Variants in ACSBG1 observed in about 807,000 individuals in gnomAD.
ACSBG1 encodes long-chain-fatty-acid--CoA ligase ACSBG1.
Under a neutral mutation model 80.2 loss-of-function variants are expected in ACSBG1, and 39 were observed. The ratio of observed to expected loss-of-function variants is 0.49; its 90% CI spans 0.38 to 0.64. The LOEUF (loss-of-function observed/expected upper bound fraction) is 0.64, where lower values mean the gene tolerates loss of function less well. ACSBG1 is among the 30% of genes least tolerant of loss of function. ACSBG1 has a pLI of 0.00. For synonymous variants in ACSBG1, 392 were observed against 379.5 expected, an observed-to-expected ratio of 1.03 and a Z score of -0.38; for missense variants, 828 against 966.4, an observed-to-expected ratio of 0.86 and a Z score of 1.90.
chr15:78,171,589 T>A, intron 13 of ACSBG1, 60 bp from the exon 14 acceptor site: 1 of 1,414,034 alleles, frequency 7.1e-7, no homozygotes, highest in Non-Finnish European at 1.0e-6. Flanking sequence ...TGAGAATGTG[T>A]GTGGTAAAGA....
intron 1 of ACSBG1, among the ~76,000 whole-genome samples, chr15:78,212,934 G>A (rs1376041328): frequency 6.6e-6 from 1 of 152,178 alleles, no homozygotes; most frequent in East Asian, 1.9e-4. Flanking sequence ...ATTCCCCACA[G>A]CCAACTGATG....
At chr15:78,202,816 G>C (rs998304857) in intron 2 of ACSBG1, among the ~76,000 whole-genome samples, 1 of 152,090 alleles carries the variant, frequency 6.6e-6, no homozygotes, top group Non-Finnish European at 1.5e-5. Context: ...GTTACTCAAG[G>C]GAAGCAATCA....
intron 5 of ACSBG1, among the ~76,000 whole-genome samples, chr15:78,184,592 T>C (rs991337921): frequency 6.6e-6 from 1 of 152,156 alleles, no homozygotes; most frequent in Admixed American, 6.5e-5. Flanking sequence ...ATAAAAGAAA[T>C]ACAAGAATAA....
chr15:78,227,862 G>A (rs4887019), intron 1 of ACSBG1, among the ~76,000 whole-genome samples: 81,786 of 152,014 alleles, frequency 0.54, 22,506 homozygotes, highest in East Asian at 0.66. Context: ...CAAACATTTC[G>A]ATGAGTGCAA....
chr15:78,208,167 G>A (rs1371481578), intron 1 of ACSBG1, 65 bp from the exon 2 acceptor site: 51 of 1,282,340 alleles, frequency 4.0e-5, no homozygotes, highest in Non-Finnish European at 5.6e-5. Flanking sequence ...TGGGCTTAGG[G>A]ACTCCGGCCT....
At position 78,194,724 on chromosome 15, in the gene ACSBG1, CCT is replaced by C; in HGVS notation, c.233_234del (p.Glu78GlyfsTer37). The C allele has an allele frequency of 1.2e-6, 2 of 1,611,836 alleles. No individual in the cohort carries two copies. Among genetic ancestry groups the C allele is most frequent in the Non-Finnish European group, 8.5e-7 (1 of 1,179,706 alleles). On this transcript the variant is annotated frameshift_variant and splice_region_variant, in exon 3 of 14. Transcript: ENST00000258873. LOFTEE classifies it high-confidence loss of function. ...KVNNAQWDAP[E>X]EALWTTRADG... The stretch of plus-strand genomic sequence containing the variant: ...TCGGCCCGAGTCGTCCACAGCGCCT[CCT>C]CTGTGGGGTGGGGGAGACCACAGCT...
rs556434686 is a variant in ACSBG1, at chr15:78,197,822, GTTGCCTC to G, written c.233-3103_233-3097del. On this transcript the variant is annotated intron_variant, in intron 2 of 13. Transcript: ENST00000258873. ...GAGCATGCCCAGGGCCTGGCATCCA[GTTGCCTC>G]TCAGTGGTTATTAGTTCTCTTCCCT... is the stretch of plus-strand genomic sequence containing the variant. Among the ~76,000 whole-genome samples the G allele has an allele frequency of 2.6e-4, 40 of 151,166 alleles. No individual in the cohort carries two copies. The East Asian group carries it at 5.6e-3, about 21-fold the overall frequency.
At chr15:78,184,751 G>A (rs1294060402) in intron 5 of ACSBG1, among the ~76,000 whole-genome samples, 1 of 152,208 alleles carries the variant, frequency 6.6e-6, no homozygotes, top group Admixed American at 6.5e-5. Flanking sequence ...TCGTTGCACT[G>A]TAAATACTAG....
intron 1 of ACSBG1, among the ~76,000 whole-genome samples, chr15:78,214,327 C>G (rs570399303): frequency 6.6e-6 from 1 of 152,334 alleles, no homozygotes; most frequent in East Asian, 1.9e-4. Context: ...TAATTATTAC[C>G]TGCAAGCTAC....
intron 1 of ACSBG1, among the ~76,000 whole-genome samples, chr15:78,216,635 G>A (rs946589570): frequency 6.6e-5 from 10 of 152,228 alleles, no homozygotes; most frequent in Admixed American, 2.6e-4. Context: ...TTTGGAGCAG[G>A]CACCCTGGAG....
intron 1 of ACSBG1, among the ~76,000 whole-genome samples, chr15:78,220,820 T>G (rs2075354093): frequency 6.6e-6 from 1 of 152,188 alleles, no homozygotes; most frequent in Admixed American, 6.5e-5. Flanking sequence ...AGAACAGTGT[T>G]GGCAAGGATG....
intron 1 of ACSBG1, among the ~76,000 whole-genome samples, chr15:78,214,121 A>AC (rs1567095598): frequency 6.6e-6 from 1 of 152,058 alleles, no homozygotes. Flanking sequence ...ATATCCCTGC[A>AC]CCTTGCGCTG....
Position 78,174,397 on chromosome 15 carries a change from C to T in ACSBG1, c.1830G>A (p.Leu610=), listed in dbSNP as rs1218008911. Residue 610 remains leucine, a synonymous_variant, in exon 12 of 14, where the codon CTG becomes CTA. Transcript: ENST00000258873. The part of the protein sequence containing the change: ...IGDQRKFLSM[L]LTLKCTLDPD... ...CCCCCAGACACACCTTCAAGGTGAG[C>T]AGCATGGACAGGAACTTCCTCTGGT... The T allele has an allele frequency of 6.2e-7, 1 of 1,614,192 alleles. No homozygotes were observed. The highest frequency in any genetic ancestry group is 1.7e-5 in the Admixed American group (1 of 60,030).
chr15:78,219,137 C>T (rs1385739072), intron 1 of ACSBG1, among the ~76,000 whole-genome samples: 1 of 152,130 alleles, frequency 6.6e-6, no homozygotes, highest in Non-Finnish European at 1.5e-5. Context: ...CTACTATATG[C>T]ACTGCCTGAA....
Position 78,178,592 on chromosome 15 carries a change from G to T in ACSBG1, c.1702+22C>A. ...GCTGGGATTACAGGCATGAGCCACC[G>T]TGCCTGGCCTGGGGTGCTCACCTTT... is the stretch of plus-strand genomic sequence containing the variant. On this transcript the variant is annotated intron_variant, in intron 11 of 13. Transcript: ENST00000258873. The surrounding 1 kb of genome is among the most constrained non-coding windows in gnomAD (Gnocchi z 4.3). The T allele has an allele frequency of 6.3e-7, 1 of 1,588,192 alleles. No individual in the cohort carries two copies.
At chr15:78,202,034 G>C (rs1418577584) in intron 2 of ACSBG1, among the ~76,000 whole-genome samples, 1 of 152,170 alleles carries the variant, frequency 6.6e-6, no homozygotes, top group African/African-American at 2.4e-5. Context: ...AGACAATGGG[G>C]TGGTGGAAGT....
intron 1 of ACSBG1, 67 bp from the exon 2 acceptor site, chr15:78,208,169 C>T (rs2075234135): frequency 1.6e-6 from 2 of 1,264,218 alleles, no homozygotes; most frequent in Non-Finnish European, 2.3e-6. Flanking sequence ...GGCTTAGGGA[C>T]TCCGGCCTGG....
rs1393761433 is a variant in ACSBG1 at position 78,194,078 on chromosome 15, C to T, written c.454-58G>A. On this transcript the variant is annotated intron_variant, in intron 3 of 13. Coordinates refer to ENST00000258873, the MANE Select transcript of ACSBG1 (RefSeq NM_015162.5). The stretch of plus-strand genomic sequence containing the variant: ...CGGGCAGGGACTGGGACCCTCATGC[C>T]CCTCTCAGAGCCCCCACCCAGACTG... The T allele has an allele frequency of 9.0e-6, 14 of 1,550,680 alleles. No homozygotes were observed. In the East Asian group the frequency reaches 2.5e-4, roughly 27 times the overall value.
Position 78,179,455 on chromosome 15 carries a change from A to C in ACSBG1, c.1484+95T>G. On this transcript the variant is annotated intron_variant, in intron 10 of 13. Coordinates refer to ENST00000258873, the MANE Select transcript of ACSBG1 (RefSeq NM_015162.5). ...GGTCTCTGGGACCCAACTGGCATGC[A>C]AAGAGAAGGGGATCCCCAGGGCACT... is the stretch of plus-strand genomic sequence containing the variant. 3 of 1,188,388 alleles carry C rather than the reference A, an allele frequency of 2.5e-6. No individual in the cohort carries two copies. The South Asian group carries it at 4.4e-5, about 17-fold the overall frequency. The allele number at this position is 1,188,388 out of a possible 1,614,324, so 73.6% of individuals were successfully genotyped here. A position where few individuals can be genotyped will look rare whatever the true frequency, so the allele number is the denominator to read the frequency against.
Sources: allele counts gnomAD v4.1 joint callset (sites outside exome capture counted in the v4.1 genomes callset), GRCh38; gene constraint gnomAD v4.1.1; non-coding constraint Gnocchi (gnomAD v3.1); transcripts MANE v1.5; gene names NCBI Gene and HGNC (gene_info 2026-07-23, HGNC 2026-07-21).